The following EIF4G3 variants were observed in gnomAD, a reference collection of about 807,000 sequenced individuals.
EIF4G3 encodes the protein eIF-4-gamma 3.
A neutral mutation model predicts 186.4 loss-of-function variants in EIF4G3; 34 were observed. The observed-to-expected ratio is 0.18, with a 90% CI of 0.14 to 0.24. The LOEUF (loss-of-function observed/expected upper bound fraction) is 0.24. Among genes scored for constraint, EIF4G3 ranks in the 10% least tolerant of loss-of-function variants. The probability of loss-of-function intolerance (pLI) is 1.00; values close to 1 mark genes in which losing one functional copy is unlikely to be tolerated. For missense variants in EIF4G3, 1,536 were observed against 1,948.5 expected (o/e 0.79, Z 3.99); for synonymous variants, 673 against 679.5 (o/e 0.99, Z 0.15).
intron 2 of EIF4G3, among the ~76,000 whole-genome samples, chr1:21,134,762 T>C (rs1335814060): frequency 1.3e-5 from 2 of 152,166 alleles, no homozygotes; most frequent in Non-Finnish European, 2.9e-5. Context: ...GAGGAGCAAG[T>C]GATCAAGGAG....
chr1:21,062,234 A>AT (rs917383361), intron 3 of EIF4G3, among the ~76,000 whole-genome samples: 1 of 151,456 alleles, frequency 6.6e-6, no homozygotes, highest in African/African-American at 2.4e-5. Context: ...AATTTGTTTT[A>AT]TTTTTTGGTG....
chr1:21,020,481 C>A (rs1309418429), intron 4 of EIF4G3, among the ~76,000 whole-genome samples: 1 of 151,914 alleles, frequency 6.6e-6, no homozygotes, highest in East Asian at 1.9e-4. Context: ...CAGAGTGAGA[C>A]CCTGTCTCAA....
intron 29 of EIF4G3, among the ~76,000 whole-genome samples, chr1:20,844,306 A>G (rs2069868595): frequency 6.6e-6 from 1 of 152,116 alleles, no homozygotes. Flanking sequence ...CCTCGCCAAC[A>G]CCTATTATTT....
chr1:20,886,219 G>A lies in EIF4G3; in HGVS notation c.2406C>T (p.Pro802=), dbSNP rs747414414. The part of the protein sequence containing the change: ...SQKRDSQADD[P]ENIKTQELFR... ...TTCTCACCTGGGTTTTAATGTTTTC[G>A]GGATCATCGGCTTGGCTGTCTCGTT... Residue 802 remains proline (P), a synonymous_variant, in exon 19 of 37, where the codon CCC becomes CCT. Coordinates refer to ENST00000602326, the MANE Select transcript of EIF4G3 (RefSeq NM_001391906.1). The A allele has an allele frequency of 5.0e-5, 81 of 1,613,090 alleles. 1 individual carries two copies. The highest frequency in any genetic ancestry group is 1.2e-4 in the Admixed American group (7 of 59,782).
At chr1:20,836,528 T>C (rs1046093291) in intron 30 of EIF4G3, among the ~76,000 whole-genome samples, 1 of 152,238 alleles carries the variant, frequency 6.6e-6, no homozygotes, top group Non-Finnish European at 1.5e-5. Context: ...ATTACAGGAA[T>C]GAATCACTGT....
At chr1:20,874,518 C>G (rs1032062707) in intron 20 of EIF4G3, among the ~76,000 whole-genome samples, 2 of 152,222 alleles carry the variant, frequency 1.3e-5, no homozygotes, top group East Asian at 3.9e-4. Context: ...GTTTATCACC[C>G]AGTGGATTTT....
At chr1:21,128,216 A>C (rs572641945) in intron 2 of EIF4G3, among the ~76,000 whole-genome samples, 4 of 151,414 alleles carry the variant, frequency 2.6e-5, no homozygotes, top group African/African-American at 7.3e-5. Context: ...CAAAAAAAAA[A>C]AAAAAGTTTC....
At chr1:21,174,431 C>T (rs532603508) in intron 2 of EIF4G3, among the ~76,000 whole-genome samples, 2 of 152,318 alleles carry the variant, frequency 1.3e-5, no homozygotes, top group Admixed American at 6.5e-5. Context: ...CTACTCTGTA[C>T]ATCAAGGACA....
chr1:21,053,222 G>T (rs1454670926), intron 3 of EIF4G3, among the ~76,000 whole-genome samples: 1 of 151,916 alleles, frequency 6.6e-6, no homozygotes, highest in East Asian at 2.0e-4. Flanking sequence ...GAGCGTCTCT[G>T]CCCGGCCGCC....
At chr1:20,857,097 A>G (rs542456079) in intron 25 of EIF4G3, among the ~76,000 whole-genome samples, 2 of 137,626 alleles carry the variant, frequency 1.5e-5, no homozygotes, top group East Asian at 2.4e-4. Flanking sequence ...CGGGAGGTGG[A>G]GCCTGCAGTG....
intron 12 of EIF4G3, among the ~76,000 whole-genome samples, chr1:20,954,366 T>A (rs961628079): frequency 6.6e-5 from 10 of 151,594 alleles, no homozygotes; most frequent in Admixed American, 1.3e-4. Flanking sequence ...TGAAACCCCA[T>A]CTCCACTAAA....
intron 14 of EIF4G3, among the ~76,000 whole-genome samples, chr1:20,925,553 C>T (rs1458421100): frequency 6.6e-6 from 1 of 152,170 alleles, no homozygotes; most frequent in African/African-American, 2.4e-5. Context: ...TACGTTTTAG[C>T]AACAGGGTCT....
chr1:20,865,078 A>G (rs2077267157), intron 21 of EIF4G3, 38 bp downstream of exon 21: 4 of 1,611,170 alleles, frequency 2.5e-6, no homozygotes, highest in Admixed American at 1.7e-5. Context: ...TACAGTGCTC[A>G]AAGTGTACAA....
intron 2 of EIF4G3, among the ~76,000 whole-genome samples, chr1:21,120,193 A>C (rs1482584267): frequency 2.0e-5 from 3 of 150,672 alleles, no homozygotes; most frequent in East Asian, 1.9e-4. Flanking sequence ...CAAGTTACAT[A>C]ATCTATAAAT....
At chr1:20,974,900 C>T (rs144800587) in intron 10 of EIF4G3, among the ~76,000 whole-genome samples, 243 of 152,126 alleles carry the variant, frequency 1.6e-3, no homozygotes, top group African/African-American at 5.4e-3. Context: ...AAAATATGTA[C>T]GAGGGTAGTT....
rs374024899 is a variant in EIF4G3 at position 21,168,887 on chromosome 1, GGTTA to G, written c.-272+7284_-272+7287del. On this transcript the variant is annotated intron_variant, in intron 2 of 36. Transcript: ENST00000602326. ...AGAAATACACCAAAATGTTAAAAGT[GGTTA>G]TCACAGCTACACACTGGGACACATG... Among the ~76,000 whole-genome samples, 698 of 152,220 alleles carry G rather than the reference GGTTA, an allele frequency of 4.6e-3. 5 individuals carry two copies. The highest frequency in any genetic ancestry group is 0.016 in the African/African-American group (663 of 41,552).
At chr1:21,075,875 T>C (rs1389691686) in intron 3 of EIF4G3, among the ~76,000 whole-genome samples, 2 of 152,108 alleles carry the variant, frequency 1.3e-5, no homozygotes, top group Non-Finnish European at 2.9e-5. Flanking sequence ...TAAAATAAAA[T>C]AATAGTTGGG....
chr1:20,914,107 C>CA (rs1553285550), intron 14 of EIF4G3, among the ~76,000 whole-genome samples: 10 of 145,414 alleles, frequency 6.9e-5, no homozygotes, highest in Non-Finnish European at 3.0e-5. Flanking sequence ...CACGCCCTGC[C>CA]TTTTTTTTTT....
At chr1:20,870,926 T>C (rs1030207664) in intron 20 of EIF4G3, among the ~76,000 whole-genome samples, 1 of 152,184 alleles carries the variant, frequency 6.6e-6, no homozygotes, top group East Asian at 1.9e-4. Context: ...TTAGTAGAGC[T>C]TGGTGGACAC....
Sources: gnomAD v4.1 joint callset for allele counts (sites outside exome capture counted in the v4.1 genomes callset) on GRCh38, gnomAD v4.1.1 for gene constraint, MANE v1.5 for transcripts, NCBI Gene and HGNC (gene_info 2026-07-23, HGNC 2026-07-21) for gene names.